Variants in PPP2R3A observed in about 807,000 individuals in gnomAD.
PPP2R3A encodes the protein serine/threonine-protein phosphatase 2A regulatory subunit B'' subunit alpha.
Under a neutral mutation model 106.9 loss-of-function variants are expected in PPP2R3A, and 80 were observed. That is an observed-to-expected ratio of 0.75 (90% CI 0.62 to 0.90). The LOEUF (loss-of-function observed/expected upper bound fraction) is 0.90. PPP2R3A is among the 40% of genes least tolerant of loss of function. The pLI, the probability that PPP2R3A is intolerant of heterozygous loss-of-function variation, is 0.00. For synonymous variants in PPP2R3A, 483 were observed against 468.3 expected, an observed-to-expected ratio of 1.03 and a Z score of -0.41; for missense variants, 1,386 against 1,350.4, an observed-to-expected ratio of 1.03 and a Z score of -0.41.
rs139890227 is a variant in PPP2R3A, at chr3:136,002,403, A to T, written c.905A>T (p.Asn302Ile). The T allele has an allele frequency of 6.8e-6, 11 of 1,614,036 alleles. No homozygotes were observed. The highest frequency in any genetic ancestry group is 7.6e-6 in the Non-Finnish European group (9 of 1,179,944). ...LPFEFMQSGNNEALDLTELIS... is the reference protein window; with the variant it reads ...LPFEFMQSGNIEALDLTELIS... ...TTTGAATTCATGCAGTCTGGGAATA[A>T]TGAGGCTCTAGATTTAACAGAACTG... Residue 302 changes from asparagine to isoleucine, a missense_variant, in exon 2 of 14, where the codon AAT (asparagine) becomes ATT (isoleucine). By Grantham distance (149) the Asn-to-Ile change is moderately radical. Transcript: ENST00000264977.
At chr3:136,094,996 T>C (rs1472909718) in intron 10 of PPP2R3A, among the ~76,000 whole-genome samples, 2 of 152,202 alleles carry the variant, frequency 1.3e-5, no homozygotes, top group African/African-American at 4.8e-5. Context: ...CCTCAAACTT[T>C]CAGGTCCCTC....
At chr3:136,006,185 C>T (rs1401779423) in intron 2 of PPP2R3A, among the ~76,000 whole-genome samples, 1 of 152,090 alleles carries the variant, frequency 6.6e-6, no homozygotes, top group Non-Finnish European at 1.5e-5. Flanking sequence ...TTGTCTCCTG[C>T]CATTCTTTTA....
intron 5 of PPP2R3A, among the ~76,000 whole-genome samples, chr3:136,061,778 G>A (rs1164617696): frequency 1.3e-5 from 2 of 152,140 alleles, no homozygotes; most frequent in East Asian, 3.9e-4. Context: ...AACATTGCCA[G>A]GCGTGGTGGC....
Position 136,002,288 on chromosome 3 carries a change from G to T in PPP2R3A, c.790G>T (p.Glu264Ter). ...GAAAAAATCAGGGAGTAGCATCAGT[G>T]AAGGAAGTGGTAATGATACAATTTC... The part of the protein sequence containing the change: ...IKKKSGSSIS[E>*]GSGNDTISSS... The change falls in exon 2 of 14, where the codon GAA becomes TAA. Residue 264 changes from glutamate to a stop codon, truncating the protein, a stop_gained. Transcript: ENST00000264977. LOFTEE classifies it high-confidence loss of function. The T allele has an allele frequency of 1.2e-6, 2 of 1,613,860 alleles. No homozygotes were observed. The highest frequency in any genetic ancestry group is 1.7e-6 in the Non-Finnish European group (2 of 1,179,860).
intron 1 of PPP2R3A, among the ~76,000 whole-genome samples, chr3:135,994,855 A>G (rs1033847721): frequency 2.6e-5 from 4 of 152,146 alleles, no homozygotes; most frequent in East Asian, 1.9e-4. Context: ...TTTTTACCTG[A>G]TAAGGCTCTT....
intron 2 of PPP2R3A, among the ~76,000 whole-genome samples, chr3:136,019,555 A>G (rs190727009): frequency 1.8e-4 from 27 of 152,316 alleles, no homozygotes; most frequent in African/African-American, 6.0e-4. Flanking sequence ...TTTCCTGGAA[A>G]GTCACTCTAA....
intron 13 of PPP2R3A, among the ~76,000 whole-genome samples, chr3:136,123,024 G>T (rs938871292): frequency 6.6e-5 from 10 of 151,962 alleles, no homozygotes; most frequent in African/African-American, 2.4e-4. Context: ...ATGGATAAAG[G>T]GTTTTAGTTC....
rs776886417 is a variant in PPP2R3A at position 136,103,278 on chromosome 3, C to T, written c.3124C>T (p.Leu1042=). The T allele has an allele frequency of 6.2e-7, 1 of 1,603,468 alleles. No homozygotes were observed. The highest frequency in any genetic ancestry group is 8.5e-7 in the Non-Finnish European group (1 of 1,171,712). Residue 1042 remains leucine, a synonymous_variant, in exon 12 of 14, where the codon CTG becomes TTG. Coordinates refer to ENST00000264977, the MANE Select transcript of PPP2R3A (RefSeq NM_002718.5). ...AVDGKITLRD[L]KRCRMAHIFY... ...TGTAGGCAAAATAACTCTAAGAGAT[C>T]TGAAGAGGTGCAGAATGGCTCACAT... is the stretch of plus-strand genomic sequence containing the variant.
At chr3:135,986,654 G>A (rs890156478) in intron 1 of PPP2R3A, among the ~76,000 whole-genome samples, 1 of 152,024 alleles carries the variant, frequency 6.6e-6, no homozygotes, top group African/African-American at 2.4e-5. Context: ...AACTGAGTCA[G>A]GAAGGAGCTT....
chr3:136,134,548 A>G (rs1938534549), intron 13 of PPP2R3A, among the ~76,000 whole-genome samples: 1 of 152,238 alleles, frequency 6.6e-6, no homozygotes, highest in Non-Finnish European at 1.5e-5. Flanking sequence ...AGAAAAATCC[A>G]GATTACAAAA....
At chr3:136,140,470 G>A (rs1269085265) in intron 13 of PPP2R3A, among the ~76,000 whole-genome samples, 2 of 144,802 alleles carry the variant, frequency 1.4e-5, no homozygotes, top group Admixed American at 6.8e-5. Flanking sequence ...AAAAACCCGG[G>A]CTCAGTGGCT....
At chr3:136,030,903 C>A (rs1934864478) in intron 3 of PPP2R3A, among the ~76,000 whole-genome samples, 1 of 151,628 alleles carries the variant, frequency 6.6e-6, no homozygotes, top group African/African-American at 2.4e-5. Context: ...CACATTTTTG[C>A]AATTGCGAAT....
chr3:136,123,424 CT>C (rs1348963718), intron 13 of PPP2R3A, among the ~76,000 whole-genome samples: 16 of 152,076 alleles, frequency 1.1e-4, no homozygotes, highest in African/African-American at 3.6e-4. Flanking sequence ...AAAATAAAGA[CT>C]TTAAAAGCAT....
Position 136,001,566 on chromosome 3 carries a change from G to A in PPP2R3A, c.68G>A (p.Arg23His), listed in dbSNP as rs554749333. 275 of 1,614,042 alleles carry A rather than the reference G, an allele frequency of 1.7e-4. No homozygotes were observed. Among genetic ancestry groups the A allele is most frequent in the Non-Finnish European group, 2.2e-4 (264 of 1,180,024 alleles). Reference sequence around the variant, plus strand: ...TACAGCAGCGTGGTGATAGACCGGCGTTTTGAACAAGCTATACATTATTGC... The same window carrying A: ...TACAGCAGCGTGGTGATAGACCGGCATTTTGAACAAGCTATACATTATTGC... ...NHYSSVVIDR[R>H]FEQAIHYCTG... is the part of the protein sequence containing the mutation. The change falls in exon 2 of 14, where the codon CGT becomes CAT. Residue 23 changes from arginine (R) to histidine (H), a missense_variant. By Grantham distance (29) the Arg-to-His change is conservative (BLOSUM62 0). Coordinates refer to ENST00000264977, the MANE Select transcript of PPP2R3A (RefSeq NM_002718.5).
At chr3:136,081,147 C>G (rs952616089) in intron 7 of PPP2R3A, among the ~76,000 whole-genome samples, 1 of 152,064 alleles carries the variant, frequency 6.6e-6, no homozygotes, top group Non-Finnish European at 1.5e-5. Context: ...CGCCTGCCAC[C>G]ACACCCAGCT....
chr3:136,047,134 G>A (rs1465689832), intron 4 of PPP2R3A, among the ~76,000 whole-genome samples: 1 of 152,180 alleles, frequency 6.6e-6, no homozygotes, highest in African/African-American at 2.4e-5. Context: ...TGAGAGAGAA[G>A]GAGCGAGAGT....
At chr3:136,067,110 C>T (rs932311810) in intron 5 of PPP2R3A, among the ~76,000 whole-genome samples, 1 of 152,018 alleles carries the variant, frequency 6.6e-6, no homozygotes, top group Non-Finnish European at 1.5e-5. Context: ...CAATTAGAAG[C>T]ATAAGATTGG....
intron 5 of PPP2R3A, among the ~76,000 whole-genome samples, chr3:136,067,077 TGTA>T (rs1936283245): frequency 6.6e-6 from 1 of 152,232 alleles, no homozygotes; most frequent in African/African-American, 2.4e-5. Context: ...AGCATTTTAC[TGTA>T]GTAATTGTAT....
intron 2 of PPP2R3A, among the ~76,000 whole-genome samples, chr3:136,009,545 G>A (rs1367210561): frequency 2.0e-5 from 3 of 151,810 alleles, no homozygotes; most frequent in East Asian, 3.9e-4. Context: ...GCCCTTCTTC[G>A]TTCATTTTCT....
Sources: gnomAD v4.1 joint callset for allele counts (sites outside exome capture counted in the v4.1 genomes callset) on GRCh38, gnomAD v4.1.1 for gene constraint, MANE v1.5 for transcripts, NCBI Gene and HGNC (gene_info 2026-07-23, HGNC 2026-07-21) for gene names.